CACNA1D: variants seen among roughly 807,000 people sequenced by gnomAD.
CACNA1D encodes the protein calcium voltage-gated channel subunit alpha1 D, also known as voltage-dependent L-type calcium channel subunit alpha-1D.
CACNA1D carries 55 observed loss-of-function variants against 257.1 expected under a neutral mutation model. That is an observed-to-expected ratio of 0.21 (90% CI 0.17 to 0.27). The LOEUF (loss-of-function observed/expected upper bound fraction) is 0.27. Among genes scored for constraint, CACNA1D ranks in the 10% least tolerant of loss-of-function variants. The probability of loss-of-function intolerance (pLI) is 1.00; values close to 1 mark genes in which losing one functional copy is unlikely to be tolerated. For synonymous variants in CACNA1D, 980 were observed against 1,014.9 expected, an observed-to-expected ratio of 0.97 and a Z score of 0.65; for missense variants, 1,876 against 2,784.0, an observed-to-expected ratio of 0.67 and a Z score of 7.34.
At chr3:53,504,693 AT>A (rs201679340) in intron 3 of CACNA1D, among the ~76,000 whole-genome samples, 10 of 148,804 alleles carry the variant, frequency 6.7e-5, no homozygotes, top group African/African-American at 9.9e-5. Context: ...TTTTATTATT[AT>A]TTTTTTTTTA....
chr3:53,555,116 A>G (rs1297417367), intron 3 of CACNA1D, among the ~76,000 whole-genome samples: 1 of 152,206 alleles, frequency 6.6e-6, no homozygotes, highest in East Asian at 1.9e-4. Flanking sequence ...ATATCCTACT[A>G]TTTCTATGTA....
intron 3 of CACNA1D, among the ~76,000 whole-genome samples, chr3:53,512,631 G>A (rs889701171): frequency 1.3e-5 from 2 of 152,142 alleles, no homozygotes; most frequent in Non-Finnish European, 2.9e-5. Context: ...CTCCCAATCT[G>A]TTTTCTTCCT....
In CACNA1D at chr3:53,564,887, A is replaced by AT. The variant is rs2092806595; in HGVS notation, c.483+63167_483+63168insT. On this transcript the variant is annotated intron_variant, in intron 3 of 47. Coordinates refer to ENST00000350061, the MANE Select transcript of CACNA1D (RefSeq NM_001128840.3). Reference sequence around the variant, plus strand: ...TTAAGAAAACCTTTTCTACCATGATAAGATGTGCAGATATTCTTATATGTC... The same window carrying AT: ...TTAAGAAAACCTTTTCTACCATGATATAGATGTGCAGATATTCTTATATGTC... Among the ~76,000 whole-genome samples, 10 of 152,332 alleles carry AT rather than the reference A, an allele frequency of 6.6e-5. No homozygotes were observed. The South Asian group carries it at 2.1e-3, about 32-fold the overall frequency.
intron 3 of CACNA1D, among the ~76,000 whole-genome samples, chr3:53,609,409 C>CAAAAA (rs33943272): frequency 1.3e-5 from 1 of 79,658 alleles, no homozygotes; most frequent in Admixed American, 1.5e-4. Flanking sequence ...GACTCTACCT[C>CAAAAA]AAAAAAAAAA....
At chr3:53,498,530 G>C (rs908311276) in intron 2 of CACNA1D, among the ~76,000 whole-genome samples, 2 of 152,124 alleles carry the variant, frequency 1.3e-5, no homozygotes, top group Non-Finnish European at 1.5e-5. Flanking sequence ...AGTGTGTTTG[G>C]AACTGTCAGG....
At chr3:53,762,913 G>A (rs960011634) in intron 30 of CACNA1D, among the ~76,000 whole-genome samples, 1 of 152,228 alleles carries the variant, frequency 6.6e-6, no homozygotes. Flanking sequence ...AGTTAATTGT[G>A]TGTCCGTGTG....
intron 3 of CACNA1D, among the ~76,000 whole-genome samples, chr3:53,600,242 A>G (rs1442754235): frequency 3.9e-5 from 6 of 152,230 alleles, no homozygotes; most frequent in Non-Finnish European, 7.3e-5. Flanking sequence ...TCAGCTGCTC[A>G]GAGCTTTTGT....
chr3:53,660,390 A>T (rs1359207348), intron 5 of CACNA1D, 115 bp downstream of exon 5: 7 of 931,070 alleles, frequency 7.5e-6, no homozygotes, highest in Non-Finnish European at 8.6e-6. Flanking sequence ...GGGTCAGCAG[A>T]TGACCATGGC....
chr3:53,783,695 C>G (rs1001355015), intron 39 of CACNA1D, among the ~76,000 whole-genome samples: 1 of 152,264 alleles, frequency 6.6e-6, no homozygotes, highest in South Asian at 2.1e-4. Context: ...TGCATAGACT[C>G]TGGAAGAGTT....
At chr3:53,666,867 G>A (rs1576289727) in intron 7 of CACNA1D, among the ~76,000 whole-genome samples, 2 of 152,192 alleles carry the variant, frequency 1.3e-5, no homozygotes, top group African/African-American at 2.4e-5. Context: ...TCTTAAGAGA[G>A]CCAAAGGGTC....
intron 9 of CACNA1D, among the ~76,000 whole-genome samples, chr3:53,711,123 A>G (rs1458537301): frequency 6.6e-6 from 1 of 152,184 alleles, no homozygotes; most frequent in Non-Finnish European, 1.5e-5. Flanking sequence ...GTGCATGCCT[A>G]TAGTCCCCAG....
intron 3 of CACNA1D, among the ~76,000 whole-genome samples, chr3:53,645,829 G>C (rs1185408695): frequency 6.6e-6 from 1 of 152,150 alleles, no homozygotes; most frequent in Non-Finnish European, 1.5e-5. Context: ...GCAGAGTGTA[G>C]TCTGATGAGA....
Position 53,546,720 on chromosome 3 carries a change from G to C in CACNA1D, c.483+45000G>C, listed in dbSNP as rs554710360. 2.2e-4 allele frequency among the ~76,000 whole-genome samples: 33 copies of C among 152,308 alleles called. No homozygotes were observed. In the Middle Eastern group the frequency reaches 0.01, roughly 47 times the overall value. ...AACTTACCAGCATGGTTCCATTTCT[G>C]TGATTATTACTAACTGCATTGCATC... On this transcript the variant is annotated intron_variant, in intron 3 of 47. Transcript: ENST00000350061.
At chr3:53,762,238 G>A (rs571809876) in intron 30 of CACNA1D, among the ~76,000 whole-genome samples, 157 bp downstream of exon 30, 23 of 152,340 alleles carry the variant, frequency 1.5e-4, no homozygotes, top group Admixed American at 3.3e-4. Flanking sequence ...TAGGCAAGAC[G>A]TGTTTCAGGG....
intron 9 of CACNA1D, among the ~76,000 whole-genome samples, chr3:53,709,417 C>A (rs1250968557): frequency 6.6e-6 from 1 of 152,208 alleles, no homozygotes; most frequent in African/African-American, 2.4e-5. Context: ...CTATCATTAA[C>A]CCCTGCAAAC....
At chr3:53,719,887 G>T in intron 11 of CACNA1D, 106 bp downstream of exon 11, 1 of 1,030,416 alleles carries the variant, frequency 9.7e-7, no homozygotes. Context: ...TTCCTCTGTG[G>T]ATTATAACAT....
At chr3:53,685,401 A>G (rs1445407233) in intron 8 of CACNA1D, among the ~76,000 whole-genome samples, 1 of 152,200 alleles carries the variant, frequency 6.6e-6, no homozygotes, top group Non-Finnish European at 1.5e-5. Context: ...CTTCTCAATA[A>G]TTACTAGGTT....
At chr3:53,758,705 A>G (rs2095281990) in intron 29 of CACNA1D, among the ~76,000 whole-genome samples, 1 of 152,202 alleles carries the variant, frequency 6.6e-6, no homozygotes, top group Non-Finnish European at 1.5e-5. Flanking sequence ...TGGTCTTTTC[A>G]GACAGGTAGA....
At chr3:53,524,057 T>C (rs975677822) in intron 3 of CACNA1D, among the ~76,000 whole-genome samples, 1 of 152,206 alleles carries the variant, frequency 6.6e-6, no homozygotes, top group African/African-American at 2.4e-5. Context: ...CATATGGTCC[T>C]GAAACTTTAT....
Sources: gnomAD v4.1 joint callset for allele counts (sites outside exome capture counted in the v4.1 genomes callset) on GRCh38, gnomAD v4.1.1 for gene constraint, MANE v1.5 for transcripts, NCBI Gene and HGNC (gene_info 2026-07-23, HGNC 2026-07-21) for gene names.